Variants in LAMA2 observed in about 807,000 individuals in gnomAD.
LAMA2 encodes the protein laminin subunit alpha-2.
In LAMA2, 269 loss-of-function variants were observed where a neutral mutation model predicts 364.8. The observed-to-expected ratio is 0.74, with a 90% CI of 0.67 to 0.82. The LOEUF (loss-of-function observed/expected upper bound fraction) is 0.82, where lower values mean the gene tolerates loss of function less well. Ranked by LOEUF, LAMA2 falls within the 40% of genes least tolerant of loss-of-function variation. The pLI, the probability that LAMA2 is intolerant of heterozygous loss-of-function variation, is 0.00. For missense variants in LAMA2, 3,807 were observed against 3,873.2 expected (o/e 0.98, Z 0.45); for synonymous variants, 1,379 against 1,370.6 (o/e 1.01, Z -0.14).
intron 59 of LAMA2, 139 bp from the exon 60 acceptor site, chr6:129,502,952 C>A: frequency 1.1e-6 from 1 of 931,872 alleles, no homozygotes; most frequent in Non-Finnish European, 1.7e-6. Flanking sequence ...TTTAGGAAAT[C>A]AGTAGCCTGA....
chr6:129,136,654 G>C (rs1777813000), intron 4 of LAMA2, among the ~76,000 whole-genome samples: 1 of 151,898 alleles, frequency 6.6e-6, no homozygotes, highest in African/African-American at 2.4e-5. Context: ...AATCTTTAAA[G>C]AAAACTGATT....
chr6:129,015,231 A>T (rs1337304609), intron 1 of LAMA2, among the ~76,000 whole-genome samples: 1 of 152,140 alleles, frequency 6.6e-6, no homozygotes, highest in Non-Finnish European at 1.5e-5. Context: ...TCCTAAAAAC[A>T]CATACAGGTT....
chr6:129,280,276 C>T (rs1305150908), intron 18 of LAMA2, 129 bp downstream of exon 18: 15 of 702,240 alleles, frequency 2.1e-5, no homozygotes, highest in Admixed American at 4.2e-5. Context: ...AATAAAGTTT[C>T]TCAACGCACT....
chr6:129,080,104 C>G (rs917118941), intron 3 of LAMA2, among the ~76,000 whole-genome samples: 4 of 152,082 alleles, frequency 2.6e-5, no homozygotes, highest in African/African-American at 9.7e-5. Flanking sequence ...TTTTTGAAAT[C>G]CTGTTTTGTC....
intron 12 of LAMA2, among the ~76,000 whole-genome samples, chr6:129,193,445 A>G (rs1781652994): frequency 6.6e-6 from 1 of 152,272 alleles, no homozygotes; most frequent in Non-Finnish European, 1.5e-5. Flanking sequence ...CATATGTAAA[A>G]ACATACACAG....
chr6:129,234,581 A>G lies in LAMA2; in HGVS notation c.1783-15531A>G, dbSNP rs189017392. 2.0e-5 allele frequency among the ~76,000 whole-genome samples: 3 copies of G among 152,346 alleles called. No individual in the cohort carries two copies. The East Asian group carries it at 5.8e-4, about 29-fold the overall frequency. On this transcript the variant is annotated intron_variant, in intron 12 of 64. Transcript: ENST00000421865. Reference sequence around the variant, plus strand: ...AAATCCATTAGCATAAATACAGTTTAAATTGAATAAGTAAATTTCATTAAA... The same window carrying G: ...AAATCCATTAGCATAAATACAGTTTGAATTGAATAAGTAAATTTCATTAAA...
In LAMA2 at chr6:129,280,443, T is replaced by TTCC. The variant is rs1788643201; in HGVS notation, c.2537+296_2537+297insTCC. 2.0e-5 allele frequency among the ~76,000 whole-genome samples: 3 copies of TTCC among 152,224 alleles called. No homozygotes were observed. In the South Asian group the frequency reaches 6.2e-4, roughly 32 times the overall value. On this transcript the variant is annotated intron_variant, in intron 18 of 64. Transcript: ENST00000421865. ...TAGAAAGCATTGCTCAAGTGGAAAGTCATGCACTTTAAGATTTATCTTACT... is the reference window on the plus strand; with the variant it reads ...TAGAAAGCATTGCTCAAGTGGAAAGTTCCCATGCACTTTAAGATTTATCTTACT...
intron 55 of LAMA2, 67 bp from the exon 56 acceptor site, chr6:129,486,407 G>A: frequency 6.7e-7 from 1 of 1,501,698 alleles, no homozygotes; most frequent in Non-Finnish European, 9.3e-7. Flanking sequence ...GTTCTGCCAG[G>A]GAATCTCTAA....
chr6:128,993,924 A>G (rs1287285310), intron 1 of LAMA2, among the ~76,000 whole-genome samples: 1 of 152,248 alleles, frequency 6.6e-6, no homozygotes, highest in Non-Finnish European at 1.5e-5. Context: ...TTATAATGTT[A>G]AAGAACTGGT....
chr6:129,143,355 A>T (rs1036084035), intron 4 of LAMA2, among the ~76,000 whole-genome samples: 1 of 152,014 alleles, frequency 6.6e-6, no homozygotes, highest in Non-Finnish European at 1.5e-5. Flanking sequence ...ACAACCTAAA[A>T]CAACCTATTG....
chr6:129,404,161 T>A (rs1304961490), intron 40 of LAMA2, among the ~76,000 whole-genome samples: 1 of 152,186 alleles, frequency 6.6e-6, no homozygotes, highest in Non-Finnish European at 1.5e-5. Flanking sequence ...CCACTACCAC[T>A]GTTAGGGTCT....
chr6:129,032,361 G>A (rs1360223018), intron 1 of LAMA2, among the ~76,000 whole-genome samples: 1 of 152,156 alleles, frequency 6.6e-6, no homozygotes, highest in East Asian at 1.9e-4. Context: ...TGTTTACAAA[G>A]CATTAGGAAA....
chr6:129,082,920 A>T (rs1260093780), intron 3 of LAMA2, among the ~76,000 whole-genome samples: 2 of 151,986 alleles, frequency 1.3e-5, no homozygotes, highest in Non-Finnish European at 2.9e-5. Flanking sequence ...CCTCATATGT[A>T]TCTTGAGATT....
At chr6:129,466,466 T>C (rs1185004962) in intron 51 of LAMA2, among the ~76,000 whole-genome samples, 3 of 151,892 alleles carry the variant, frequency 2.0e-5, no homozygotes, top group Non-Finnish European at 4.4e-5. Flanking sequence ...TCCAGCTGCA[T>C]TTCCAACAGG....
intron 1 of LAMA2, among the ~76,000 whole-genome samples, chr6:128,996,204 A>G (rs1417797561): frequency 2.0e-5 from 3 of 152,204 alleles, no homozygotes; most frequent in Admixed American, 6.5e-5. Flanking sequence ...ACATCTTGCC[A>G]GAGACAGGAG....
intron 9 of LAMA2, among the ~76,000 whole-genome samples, chr6:129,166,429 C>T (rs1779746702): frequency 6.6e-6 from 1 of 152,076 alleles, no homozygotes; most frequent in Admixed American, 6.5e-5. Flanking sequence ...ATGACTTTAG[C>T]GTTAAAAGAC....
At chr6:129,475,557 T>C (rs1191858420) in intron 53 of LAMA2, among the ~76,000 whole-genome samples, 156 bp downstream of exon 53, 1 of 151,672 alleles carries the variant, frequency 6.6e-6, no homozygotes. Flanking sequence ...AGAGTTCTCC[T>C]GCTGCCCCTT....
At chr6:129,032,240 T>C (rs565487427) in intron 1 of LAMA2, among the ~76,000 whole-genome samples, 5 of 152,340 alleles carry the variant, frequency 3.3e-5, no homozygotes, top group African/African-American at 7.2e-5. Flanking sequence ...GAAGCTTACG[T>C]TCCAGCAAGG....
intron 1 of LAMA2, among the ~76,000 whole-genome samples, chr6:129,008,170 T>C (rs1784548335): frequency 6.6e-6 from 1 of 152,204 alleles, no homozygotes; most frequent in Non-Finnish European, 1.5e-5. Context: ...AATGGGATAC[T>C]GATGCTGCCT....
Sources: gnomAD v4.1 joint callset for allele counts (sites outside exome capture counted in the v4.1 genomes callset) on GRCh38, gnomAD v4.1.1 for gene constraint, MANE v1.5 for transcripts, NCBI Gene and HGNC (gene_info 2026-07-23, HGNC 2026-07-21) for gene names.